The following CSMD1 variants were observed in gnomAD, a reference collection of about 807,000 sequenced individuals.
CSMD1 encodes CUB and sushi domain-containing protein 1.
CSMD1 carries 213 observed loss-of-function variants against 417.5 expected under a neutral mutation model. The ratio of observed to expected loss-of-function variants is 0.51; its 90% CI spans 0.46 to 0.57. CSMD1 has a LOEUF of 0.57. Among genes scored for constraint, CSMD1 ranks in the 20% least tolerant of loss-of-function variants. The pLI, the probability that CSMD1 is intolerant of heterozygous loss-of-function variation, is 0.00. For synonymous variants in CSMD1, 2,862 were observed against 1,736.8 expected (o/e 1.65, Z -16.11); for missense variants, 6,923 against 4,529.7 (o/e 1.53, Z -15.17).
At chr8:4,242,392 C>G (rs911173070) in intron 3 of CSMD1, among the ~76,000 whole-genome samples, 2 of 151,946 alleles carry the variant, frequency 1.3e-5, no homozygotes, top group African/African-American at 4.8e-5. Flanking sequence ...GAAAACACTT[C>G]CCCCACCCAG....
chr8:3,982,624 A>C lies in CSMD1; in HGVS notation c.818+15279T>G, dbSNP rs914974079. On this transcript the variant is annotated intron_variant, in intron 5 of 69. Coordinates refer to ENST00000635120, the MANE Select transcript of CSMD1 (RefSeq NM_033225.6). Reference sequence around the variant, plus strand: ...TGAAGTACTGCTGAGAGAGAAAAAAAAAAAGCCATTAAATTATGTGGGGCA... The same window carrying C: ...TGAAGTACTGCTGAGAGAGAAAAAACAAAAGCCATTAAATTATGTGGGGCA... Among the ~76,000 whole-genome samples, 28 of 152,250 alleles carry C rather than the reference A, an allele frequency of 1.8e-4. 1 individual carries two copies. In the East Asian group the frequency reaches 4.8e-3, roughly 26 times the overall value.
At chr8:4,963,741 T>A (rs1256732971) in intron 1 of CSMD1, among the ~76,000 whole-genome samples, 1 of 152,146 alleles carries the variant, frequency 6.6e-6, no homozygotes, top group Non-Finnish European at 1.5e-5. Flanking sequence ...TCAACTCAAG[T>A]TTTCTTGGTC....
chr8:4,708,206 T>C (rs1467002609), intron 1 of CSMD1, among the ~76,000 whole-genome samples: 1 of 152,120 alleles, frequency 6.6e-6, no homozygotes, highest in Non-Finnish European at 1.5e-5. Context: ...TACCTGGGCC[T>C]TCTAAAGTGC....
chr8:3,653,402 G>A (rs1278127220), intron 7 of CSMD1, among the ~76,000 whole-genome samples: 4 of 152,150 alleles, frequency 2.6e-5, no homozygotes, highest in Middle Eastern at 3.4e-3. Flanking sequence ...TCCGCCTCCT[G>A]GATTCAAACG....
At chr8:3,197,019 C>T (rs976108149) in intron 33 of CSMD1, among the ~76,000 whole-genome samples, 6 of 152,158 alleles carry the variant, frequency 3.9e-5, no homozygotes, top group Non-Finnish European at 7.4e-5. Flanking sequence ...TCCAAATGTA[C>T]CCTTCTGCTC....
chr8:4,211,773 T>C (rs975438943), intron 3 of CSMD1, among the ~76,000 whole-genome samples: 1 of 152,198 alleles, frequency 6.6e-6, no homozygotes, highest in Non-Finnish European at 1.5e-5. Flanking sequence ...TCACAAACTA[T>C]TTTCTTCAAA....
At chr8:4,862,552 G>C (rs1802200799) in intron 1 of CSMD1, among the ~76,000 whole-genome samples, 1 of 151,996 alleles carries the variant, frequency 6.6e-6, no homozygotes, top group Non-Finnish European at 1.5e-5. Flanking sequence ...GGTAAGAAGA[G>C]ACTAGATCGT....
chr8:4,101,226 T>C (rs1034253282), intron 3 of CSMD1, among the ~76,000 whole-genome samples: 2 of 152,230 alleles, frequency 1.3e-5, no homozygotes, highest in South Asian at 2.1e-4. Flanking sequence ...GTTTTCCTTT[T>C]GTTTTTTGCT....
At chr8:3,979,424 G>A (rs953486350) in intron 5 of CSMD1, among the ~76,000 whole-genome samples, 2 of 152,194 alleles carry the variant, frequency 1.3e-5, no homozygotes, top group Non-Finnish European at 2.9e-5. Flanking sequence ...AAAGCTGCAG[G>A]AGAAGGCGTT....
chr8:3,694,029 TGTGTGTTGGG>T (rs1174715374), intron 7 of CSMD1, among the ~76,000 whole-genome samples: 1 of 2,032 alleles, frequency 4.9e-4, no homozygotes, highest in African/African-American at 1.5e-3. Flanking sequence ...ATGTGTTGTG[TGTGTGTTGGG>T]TATGTGTGTT....
At chr8:3,857,189 G>C (rs905064332) in intron 5 of CSMD1, among the ~76,000 whole-genome samples, 2 of 152,134 alleles carry the variant, frequency 1.3e-5, no homozygotes, top group African/African-American at 4.8e-5. Flanking sequence ...CATGAAAAAA[G>C]TGCCAAAGTT....
At chr8:4,052,180 C>G (rs971394391) in intron 3 of CSMD1, among the ~76,000 whole-genome samples, 1 of 152,084 alleles carries the variant, frequency 6.6e-6, no homozygotes, top group African/African-American at 2.4e-5. Context: ...CCACCTTGGC[C>G]TCCGAAAGTG....
chr8:4,400,481 G>C (rs1804571530), intron 3 of CSMD1, among the ~76,000 whole-genome samples: 1 of 152,178 alleles, frequency 6.6e-6, no homozygotes, highest in Non-Finnish European at 1.5e-5. Context: ...GCAAATTCTT[G>C]TGTTCAGCAA....
intron 3 of CSMD1, among the ~76,000 whole-genome samples, chr8:4,284,156 T>G (rs920404568): frequency 6.6e-6 from 1 of 152,088 alleles, no homozygotes; most frequent in Non-Finnish European, 1.5e-5. Flanking sequence ...TCACCTGAGG[T>G]CAGGAGTTCC....
At chr8:4,796,134 CA>C (rs1030776785) in intron 1 of CSMD1, among the ~76,000 whole-genome samples, 5 of 151,510 alleles carry the variant, frequency 3.3e-5, no homozygotes, top group Admixed American at 3.3e-4. Flanking sequence ...GATCCAGGAC[CA>C]AAAAAACTTA....
At position 3,859,634 on chromosome 8, in the gene CSMD1, C is replaced by T. The variant is rs1302609909; in HGVS notation, c.819-105592G>A. On this transcript the variant is annotated intron_variant, in intron 5 of 69. Transcript: ENST00000635120. ...ATGGTGGGAGCTTTGGTTTACATGA[C>T]GTCAGTTGACCTGAAGAGTGAGTTC... 3.3e-5 allele frequency among the ~76,000 whole-genome samples: 5 copies of T among 152,096 alleles called. No individual in the cohort carries two copies. The South Asian group carries it at 8.3e-4, about 25-fold the overall frequency.
intron 2 of CSMD1, among the ~76,000 whole-genome samples, chr8:4,420,485 A>G (rs1414931736): frequency 6.6e-6 from 1 of 152,088 alleles, no homozygotes; most frequent in East Asian, 1.9e-4. Flanking sequence ...TCACGTCGGT[A>G]TGAAGCCCAG....
intron 1 of CSMD1, among the ~76,000 whole-genome samples, chr8:4,792,714 G>A (rs1419237555): frequency 6.6e-6 from 1 of 152,138 alleles, no homozygotes; most frequent in Non-Finnish European, 1.5e-5. Context: ...TCTAGGAAGA[G>A]CTGCCAAGAA....
chr8:4,815,628 G>T (rs1044243413), intron 1 of CSMD1, among the ~76,000 whole-genome samples: 1 of 140,396 alleles, frequency 7.1e-6, no homozygotes, highest in Non-Finnish European at 1.5e-5. Flanking sequence ...CCCAGGAGAT[G>T]AAGGTTGCAG....
Sources: gnomAD v4.1 joint callset for allele counts (sites outside exome capture counted in the v4.1 genomes callset) on GRCh38, gnomAD v4.1.1 for gene constraint, MANE v1.5 for transcripts, NCBI Gene and HGNC (gene_info 2026-07-23, HGNC 2026-07-21) for gene names.